BLK: variants seen among roughly 807,000 people sequenced by gnomAD.
BLK encodes BLK proto-oncogene, Src family tyrosine kinase.
BLK carries 64 observed loss-of-function variants against 61.8 expected under a neutral mutation model. The ratio of observed to expected loss-of-function variants is 1.03; its 90% CI spans 0.85 to 1.27. BLK has a LOEUF of 1.27. Among genes scored for constraint, BLK ranks in the 50% most tolerant of loss-of-function variants. The pLI, the probability that BLK is intolerant of heterozygous loss-of-function variation, is 0.00. For synonymous variants in BLK, 351 were observed against 272.0 expected, an observed-to-expected ratio of 1.29 and a Z score of -2.86; for missense variants, 853 against 660.5, an observed-to-expected ratio of 1.29 and a Z score of -3.19.
At chr8:11,525,591 A>G (rs1487743055) in intron 1 of BLK, among the ~76,000 whole-genome samples, 1 of 152,144 alleles carries the variant, frequency 6.6e-6, no homozygotes, top group Non-Finnish European at 1.5e-5. Flanking sequence ...CATTTGCTTA[A>G]CTTGATTTTA....
chr8:11,555,779 C>G (rs945789804), intron 8 of BLK: 7 of 478,244 alleles, frequency 1.5e-5, no homozygotes, highest in Non-Finnish European at 2.3e-5. Flanking sequence ...CAATGAGCTG[C>G]AGCGGCGCGT....
At chr8:11,546,774 C>A (rs1291004695) in intron 3 of BLK, among the ~76,000 whole-genome samples, 1 of 152,184 alleles carries the variant, frequency 6.6e-6, no homozygotes, top group African/African-American at 2.4e-5. Flanking sequence ...GGGGGTTTCA[C>A]CATGTTGGCC....
intron 1 of BLK, among the ~76,000 whole-genome samples, chr8:11,541,420 T>C (rs1324575269): frequency 6.6e-6 from 1 of 152,038 alleles, no homozygotes; most frequent in African/African-American, 2.4e-5. Context: ...AAGGTGAACA[T>C]ACATCATATT....
chr8:11,562,198 C>G (rs754962469), intron 11 of BLK, among the ~76,000 whole-genome samples: 24 of 152,190 alleles, frequency 1.6e-4, no homozygotes, highest in Non-Finnish European at 2.9e-4. Flanking sequence ...CTCTCATGTG[C>G]GATCAGCAAA....
rs114499157 is a variant in BLK at position 11,529,073 on chromosome 8, A to G, written c.-1-14151A>G. 9.2e-3 allele frequency among the ~76,000 whole-genome samples: 1,404 copies of G among 152,294 alleles called. 26 individuals carry two copies. The highest frequency in any genetic ancestry group is 0.032 in the African/African-American group (1,326 of 41,550). On this transcript the variant is annotated intron_variant, in intron 1 of 12. Transcript: ENST00000259089. ...GTTTACATATGTAACAAACCTGCAC[A>G]TTCTGCACACGTACCCCATAACTTA... is the stretch of plus-strand genomic sequence containing the variant.
intron 1 of BLK, among the ~76,000 whole-genome samples, chr8:11,501,011 C>A (rs1261420656): frequency 1.3e-5 from 2 of 151,902 alleles, no homozygotes; most frequent in African/African-American, 2.4e-5. Flanking sequence ...GGGTTCGAGA[C>A]CAGCCTGGCC....
At chr8:11,555,892 C>G in intron 8 of BLK, 1 of 337,256 alleles carries the variant, frequency 3.0e-6, no homozygotes, top group Non-Finnish European at 5.8e-6. Context: ...AGCCGTGGGA[C>G]TTTGGCCAAG....
chr8:11,557,107 A>T (rs1215551439), intron 9 of BLK, among the ~76,000 whole-genome samples: 1 of 151,832 alleles, frequency 6.6e-6, no homozygotes, highest in Admixed American at 6.6e-5. Context: ...TGTGCCTAGC[A>T]CTCTTTGATG....
intron 6 of BLK, among the ~76,000 whole-genome samples, chr8:11,551,587 T>C (rs992177372): frequency 2.0e-5 from 3 of 152,198 alleles, no homozygotes; most frequent in Non-Finnish European, 4.4e-5. Context: ...ATTCATGTGG[T>C]TGAGGATGGT....
At chr8:11,553,953 C>T (rs935109149) in intron 6 of BLK, among the ~76,000 whole-genome samples, 14 of 152,076 alleles carry the variant, frequency 9.2e-5, no homozygotes, top group African/African-American at 2.4e-4. Context: ...TGGTACTGCT[C>T]GAGGTAGGCG....
chr8:11,518,110 G>A (rs1054821999), intron 1 of BLK, among the ~76,000 whole-genome samples: 1 of 152,162 alleles, frequency 6.6e-6, no homozygotes, highest in Non-Finnish European at 1.5e-5. Flanking sequence ...AGGGTACGCA[G>A]TGGGTGAATA....
chr8:11,535,923 T>C (rs1800115699), intron 1 of BLK, among the ~76,000 whole-genome samples: 1 of 152,254 alleles, frequency 6.6e-6, no homozygotes, highest in Admixed American at 6.5e-5. Context: ...TCTATAGGAC[T>C]GGCCTTTACA....
At position 11,562,530 on chromosome 8, in the gene BLK, T is replaced by C. The variant is rs113391931; in HGVS notation, c.1181-449T>C. ...GCAGCCGGATGTGAGTTCTTCCTCA[T>C]AGCGGCCCTCGGAGGTACAAGTGTC... On this transcript the variant is annotated intron_variant, in intron 11 of 12. Coordinates refer to ENST00000259089, the MANE Select transcript of BLK (RefSeq NM_001715.3). Among the ~76,000 whole-genome samples the C allele has an allele frequency of 6.0e-3, 918 of 152,296 alleles. 7 individuals carry two copies. The highest frequency in any genetic ancestry group is 0.027 in the Middle Eastern group (8 of 294).
At chr8:11,560,071 T>C (rs1801419094) in intron 10 of BLK, 2 of 315,222 alleles carry the variant, frequency 6.3e-6, no homozygotes, top group Non-Finnish European at 1.2e-5. Context: ...CACAGTCCCA[T>C]ATTAGTAAAT....
At chr8:11,508,829 C>A (rs1390613520) in intron 1 of BLK, among the ~76,000 whole-genome samples, 2 of 152,190 alleles carry the variant, frequency 1.3e-5, no homozygotes, top group African/African-American at 2.4e-5. Flanking sequence ...GACAAGGGAG[C>A]AACTGACATT....
intron 1 of BLK, among the ~76,000 whole-genome samples, chr8:11,505,540 T>C (rs1348473751): frequency 6.6e-6 from 1 of 152,140 alleles, no homozygotes; most frequent in African/African-American, 2.4e-5. Context: ...TCCAATTTGC[T>C]CCCAAGCTCC....
chr8:11,500,497 G>GT (rs545892764), intron 1 of BLK, among the ~76,000 whole-genome samples: 3 of 149,690 alleles, frequency 2.0e-5, no homozygotes, highest in Non-Finnish European at 3.0e-5. Context: ...CACCTGGCCT[G>GT]TTTTTTTGTT....
intron 6 of BLK, among the ~76,000 whole-genome samples, chr8:11,551,938 A>G (rs1800922960): frequency 6.6e-6 from 1 of 152,202 alleles, no homozygotes; most frequent in African/African-American, 2.4e-5. Flanking sequence ...AGGGTGACCC[A>G]GGGGCTTCCC....
intron 1 of BLK, among the ~76,000 whole-genome samples, chr8:11,503,829 C>A (rs1426516022): frequency 2.0e-5 from 3 of 152,184 alleles, no homozygotes; most frequent in Non-Finnish European, 2.9e-5. Context: ...AAGGGGCCAT[C>A]TTCCACCCTC....
Sources: gnomAD v4.1 joint callset for allele counts (sites outside exome capture counted in the v4.1 genomes callset) on GRCh38, gnomAD v4.1.1 for gene constraint, MANE v1.5 for transcripts, NCBI Gene and HGNC (gene_info 2026-07-23, HGNC 2026-07-21) for gene names.